Variants in DIAPH3 observed in about 807,000 individuals in gnomAD.
DIAPH3 encodes the protein protein diaphanous homolog 3.
Under a neutral mutation model 144.3 loss-of-function variants are expected in DIAPH3, and 117 were observed. That is an observed-to-expected ratio of 0.81 (90% CI 0.70 to 0.95). The LOEUF is 0.95. Ranked by LOEUF, DIAPH3 falls within the 40% of genes least tolerant of loss-of-function variation. The pLI, the probability that DIAPH3 is intolerant of heterozygous loss-of-function variation, is 0.00. For synonymous variants in DIAPH3, 519 were observed against 488.9 expected, an observed-to-expected ratio of 1.06 and a Z score of -0.81; for missense variants, 1,421 against 1,412.7, an observed-to-expected ratio of 1.01 and a Z score of -0.09.
chr13:59,752,044 T>C (rs2037034123), intron 27 of DIAPH3, among the ~76,000 whole-genome samples: 1 of 152,246 alleles, frequency 6.6e-6, no homozygotes, highest in African/African-American at 2.4e-5. Flanking sequence ...GTCTAAAATT[T>C]TCAAAACTTG....
intron 3 of DIAPH3, among the ~76,000 whole-genome samples, chr13:60,109,008 G>A (rs1420961914): frequency 1.3e-5 from 2 of 152,116 alleles, no homozygotes; most frequent in Non-Finnish European, 2.9e-5. Context: ...ACATACCAAG[G>A]TGTCACAATA....
intron 17 of DIAPH3, among the ~76,000 whole-genome samples, chr13:59,955,093 TAC>T (rs1283391288): frequency 3.0e-5 from 4 of 131,970 alleles, no homozygotes; most frequent in South Asian, 2.6e-4. Flanking sequence ...TATATATATA[TAC>T]ATGTATATAT....
intron 2 of DIAPH3, among the ~76,000 whole-genome samples, chr13:60,119,685 T>G (rs1481554315): frequency 7.3e-6 from 1 of 137,018 alleles, no homozygotes; most frequent in Non-Finnish European, 1.5e-5. Flanking sequence ...AGGCGGAGCT[T>G]GCAGTGAGCC....
chr13:59,669,776 G>C (rs1278096755), intron 27 of DIAPH3, among the ~76,000 whole-genome samples: 1 of 151,988 alleles, frequency 6.6e-6, no homozygotes, highest in Non-Finnish European at 1.5e-5. Context: ...CTAAATTCTT[G>C]GCTCCCTTTA....
At chr13:59,799,053 C>A (rs1054283216) in intron 25 of DIAPH3, among the ~76,000 whole-genome samples, 1 of 151,928 alleles carries the variant, frequency 6.6e-6, no homozygotes, top group Non-Finnish European at 1.5e-5. Flanking sequence ...AGAAAGAGCA[C>A]GAGTGCAAGA....
intron 5 of DIAPH3, among the ~76,000 whole-genome samples, chr13:60,042,045 C>T (rs79885625): frequency 0.056 from 8,494 of 152,022 alleles, 343 homozygotes; most frequent in Middle Eastern, 0.086. Flanking sequence ...TCCAGTTTAT[C>T]AAAATATATT....
intron 2 of DIAPH3, among the ~76,000 whole-genome samples, chr13:60,124,400 A>C (rs1394634057): frequency 2.0e-5 from 3 of 152,196 alleles, no homozygotes; most frequent in Non-Finnish European, 4.4e-5. Context: ...AATTAAAAGA[A>C]TCTCATATCC....
chr13:59,820,735 A>G (rs1277386522), intron 24 of DIAPH3, among the ~76,000 whole-genome samples: 1 of 150,360 alleles, frequency 6.7e-6, no homozygotes, highest in African/African-American at 2.4e-5. Context: ...TTAATAAAAC[A>G]AAATATAAAA....
chr13:59,754,857 T>C (rs1047546423), intron 27 of DIAPH3, among the ~76,000 whole-genome samples: 3 of 152,146 alleles, frequency 2.0e-5, no homozygotes, highest in Admixed American at 1.3e-4. Flanking sequence ...TTTTCATGCA[T>C]TACTGGATTT....
chr13:60,138,503 T>C (rs562738423), intron 1 of DIAPH3, among the ~76,000 whole-genome samples: 2 of 152,350 alleles, frequency 1.3e-5, no homozygotes, highest in South Asian at 4.1e-4. Context: ...CTGATAAAGT[T>C]GGGACAGGCC....
At chr13:59,983,953 T>A in intron 12 of DIAPH3, 66 bp from the exon 13 acceptor site, 1 of 1,036,096 alleles carries the variant, frequency 9.7e-7, no homozygotes, top group Non-Finnish European at 1.5e-6. Flanking sequence ...AAAACAAAAC[T>A]TTTTGGCTAA....
At chr13:59,770,713 C>T (rs2038077978) in intron 27 of DIAPH3, among the ~76,000 whole-genome samples, 1 of 152,086 alleles carries the variant, frequency 6.6e-6, no homozygotes, top group African/African-American at 2.4e-5. Flanking sequence ...CTCATGAAGT[C>T]TGGATCAGTC....
At chr13:60,038,215 A>AG (rs2055370954) in intron 5 of DIAPH3, among the ~76,000 whole-genome samples, 1 of 152,110 alleles carries the variant, frequency 6.6e-6, no homozygotes, top group Admixed American at 6.5e-5. Context: ...CAGCCTCATT[A>AG]GTAGGCAAGG....
chr13:59,729,780 A>G (rs2035794160), intron 27 of DIAPH3, among the ~76,000 whole-genome samples: 1 of 130,168 alleles, frequency 7.7e-6, no homozygotes, highest in African/African-American at 3.0e-5. Context: ...TTTCTCTACT[A>G]TTTTTGTGAC....
intron 25 of DIAPH3, among the ~76,000 whole-genome samples, chr13:59,799,218 T>G (rs1268896367): frequency 2.0e-5 from 3 of 151,992 alleles, no homozygotes; most frequent in African/African-American, 7.3e-5. Flanking sequence ...GAGGCTGTTA[T>G]GGACGTAGAT....
chr13:59,861,660 GT>G, intron 21 of DIAPH3, 124 bp from the exon 22 acceptor site: 1 of 1,087,338 alleles, frequency 9.2e-7, no homozygotes, highest in East Asian at 2.6e-5. Flanking sequence ...AGTTGATTTC[GT>G]TTTTGAAAAA....
chr13:59,810,682 A>G (rs2040425706), intron 25 of DIAPH3, 106 bp downstream of exon 25: 1 of 1,206,880 alleles, frequency 8.3e-7, no homozygotes, highest in Admixed American at 2.3e-5. Flanking sequence ...TACAGAAACA[A>G]GTGGTTGTAT....
At position 59,762,870 on chromosome 13, in the gene DIAPH3, G is replaced by A. The variant is rs2037672580; in HGVS notation, c.3319+11319C>T. 2.0e-5 allele frequency among the ~76,000 whole-genome samples: 3 copies of A among 152,062 alleles called. No individual in the cohort carries two copies. In the South Asian group the frequency reaches 6.2e-4, roughly 32 times the overall value. ...CGTCTGTCTTAGTTAATGGGTTGAT[G>A]CCATTATTGTGAGAATAGTTTCCTT... On this transcript the variant is annotated intron_variant, in intron 27 of 27. Coordinates refer to ENST00000400324, the MANE Select transcript of DIAPH3 (RefSeq NM_001042517.2).
In DIAPH3 at chr13:59,833,099, T is replaced by A; in HGVS notation, c.3027+8A>T. Reference sequence around the variant, plus strand: ...AAAACTTTTTAAAAAACAATTTTTTTACCATACCATGAATGTGGTTCTGAA... The same window carrying A: ...AAAACTTTTTAAAAAACAATTTTTTAACCATACCATGAATGTGGTTCTGAA... On this transcript the variant is annotated splice_region_variant and intron_variant, in intron 24 of 27. Transcript: ENST00000400324. The A allele has an allele frequency of 2.5e-6, 4 of 1,605,416 alleles. No homozygotes were observed. The highest frequency in any genetic ancestry group is 3.4e-6 in the Non-Finnish European group (4 of 1,175,924).
Sources: gnomAD v4.1 joint callset for allele counts (sites outside exome capture counted in the v4.1 genomes callset) on GRCh38, gnomAD v4.1.1 for gene constraint, MANE v1.5 for transcripts, NCBI Gene and HGNC (gene_info 2026-07-23, HGNC 2026-07-21) for gene names.